SCHIP1: variants seen among roughly 807,000 people sequenced by gnomAD.
SCHIP1 encodes schwannomin-interacting protein 1.
SCHIP1 carries 8 observed loss-of-function variants against 29.7 expected under a neutral mutation model. That is an observed-to-expected ratio of 0.27 (90% CI 0.16 to 0.49). The LOEUF (loss-of-function observed/expected upper bound fraction) is 0.49. Ranked by LOEUF, SCHIP1 falls within the 20% of genes least tolerant of loss-of-function variation. The pLI is 0.99. For synonymous variants in SCHIP1, 76 were observed against 94.9 expected (o/e 0.80, Z 1.16); for missense variants, 193 against 294.6 (o/e 0.66, Z 2.52).
the SCHIP1 span, among the ~76,000 whole-genome samples, chr3:159,779,606 G>A: frequency 2.0e-5 from 3 of 152,012 alleles, no homozygotes; most frequent in African/African-American, 4.8e-5. Context: ...TCAGGAGGCA[G>A]AGGTTGCAGT....
the SCHIP1 span, among the ~76,000 whole-genome samples, chr3:159,445,642 G>T: frequency 6.6e-6 from 1 of 152,122 alleles, no homozygotes; most frequent in East Asian, 1.9e-4. Context: ...GTCCAACCAT[G>T]ATAGACTGGA....
chr3:159,366,489 A>G, the SCHIP1 span, among the ~76,000 whole-genome samples: 1 of 152,208 alleles, frequency 6.6e-6, no homozygotes, highest in Non-Finnish European at 1.5e-5. Flanking sequence ...TGTGCCCTTT[A>G]CAAGTTACTT....
At chr3:159,473,674 G>GAAAAAAAAAAAAAAAA in the SCHIP1 span, among the ~76,000 whole-genome samples, 537 of 80,960 alleles carry the variant, frequency 6.6e-3, no homozygotes, top group Non-Finnish European at 8.2e-3. Flanking sequence ...ATGTAACTAC[G>GAAAAAAAAAAAAAAAA]AAAAAAAAAA....
the SCHIP1 span, among the ~76,000 whole-genome samples, chr3:159,430,784 G>A: frequency 2.0e-5 from 3 of 152,134 alleles, no homozygotes; most frequent in African/African-American, 7.2e-5. Context: ...ATGAGATAGA[G>A]CGGGCAAGTG....
the SCHIP1 span, among the ~76,000 whole-genome samples, chr3:159,483,211 T>A: frequency 6.6e-6 from 1 of 152,130 alleles, no homozygotes; most frequent in East Asian, 1.9e-4. Context: ...TATTTCTCCT[T>A]TGCGGTCAAA....
the SCHIP1 span, among the ~76,000 whole-genome samples, chr3:159,426,602 G>A: frequency 6.6e-6 from 1 of 152,120 alleles, no homozygotes; most frequent in Non-Finnish European, 1.5e-5. Flanking sequence ...TTCTACCAGA[G>A]GTACAAGGAG....
At chr3:159,871,932 G>T (rs1017608796) in intron 2 of SCHIP1, among the ~76,000 whole-genome samples, 2 of 152,050 alleles carry the variant, frequency 1.3e-5, no homozygotes, top group Non-Finnish European at 2.9e-5. Context: ...TTTGTGTTCG[G>T]TCCTACTTCA....
the SCHIP1 span, among the ~76,000 whole-genome samples, chr3:159,640,775 A>G: frequency 6.6e-6 from 1 of 152,138 alleles, no homozygotes; most frequent in African/African-American, 2.4e-5. Context: ...TGGCCAGGAA[A>G]GCCCACACTG....
At chr3:159,390,809 CA>C in the SCHIP1 span, among the ~76,000 whole-genome samples, 1 of 151,754 alleles carries the variant, frequency 6.6e-6, no homozygotes, top group Non-Finnish European at 1.5e-5. Flanking sequence ...CTTTGTCATG[CA>C]GCCAATTCAT....
chr3:159,465,581 G>T, the SCHIP1 span, among the ~76,000 whole-genome samples: 1 of 151,952 alleles, frequency 6.6e-6, no homozygotes, highest in Non-Finnish European at 1.5e-5. Context: ...TTACCTGGGG[G>T]ATAAATACTG....
the SCHIP1 span, among the ~76,000 whole-genome samples, chr3:159,288,289 A>G: frequency 7.2e-5 from 11 of 152,240 alleles, no homozygotes; most frequent in Admixed American, 3.3e-4. Flanking sequence ...AATAAATAAC[A>G]TATTTCTAAT....
the SCHIP1 span, among the ~76,000 whole-genome samples, chr3:159,478,382 T>C: frequency 6.1e-3 from 931 of 152,316 alleles, 8 homozygotes; most frequent in African/African-American, 0.021. Flanking sequence ...CAAAAGGCAA[T>C]TCACTGCAAA....
At chr3:159,865,361 T>A (rs1714504936) in intron 1 of SCHIP1, among the ~76,000 whole-genome samples, 1 of 152,216 alleles carries the variant, frequency 6.6e-6, no homozygotes, top group East Asian at 1.9e-4. Context: ...AAGTTCAGCA[T>A]GGTGAGTTTT....
the SCHIP1 span, among the ~76,000 whole-genome samples, chr3:159,694,564 GAAAGAAAGA>G: frequency 6.9e-6 from 1 of 144,054 alleles, no homozygotes; most frequent in African/African-American, 2.7e-5. Flanking sequence ...AAGAAAGAAA[GAAAGAAAGA>G]AAGAAAGAAA....
At chr3:159,274,649 G>A in the SCHIP1 span, 8 of 816,636 alleles carry the variant, frequency 9.8e-6, no homozygotes, top group Admixed American at 1.2e-4. Context: ...CACAACCAAC[G>A]AAGAAATAAT....
the SCHIP1 span, among the ~76,000 whole-genome samples, chr3:159,298,001 C>T: frequency 0.11 from 17,018 of 152,200 alleles, 1,073 homozygotes; most frequent in Middle Eastern, 0.13. Flanking sequence ...TGGTGCCAGT[C>T]TTCTGCTCAC....
At chr3:159,489,187 G>A in the SCHIP1 span, among the ~76,000 whole-genome samples, 1 of 152,114 alleles carries the variant, frequency 6.6e-6, no homozygotes, top group Non-Finnish European at 1.5e-5. Context: ...GCTTTAAAAT[G>A]AGGTGCTGAT....
intron 5 of SCHIP1, among the ~76,000 whole-genome samples, chr3:159,891,759 G>A (rs1177931907): frequency 6.6e-6 from 1 of 152,156 alleles, no homozygotes; most frequent in African/African-American, 2.4e-5. Flanking sequence ...AAGCTGAAGG[G>A]TGGAAAACTT....
At chr3:159,300,486 G>A in the SCHIP1 span, among the ~76,000 whole-genome samples, 4 of 152,042 alleles carry the variant, frequency 2.6e-5, no homozygotes, top group East Asian at 1.9e-4. Context: ...GTCCCTTAGC[G>A]TGGTATTGGT....
Sources: allele counts gnomAD v4.1 joint callset (sites outside exome capture counted in the v4.1 genomes callset), GRCh38; gene constraint gnomAD v4.1.1; transcripts MANE v1.5; gene names NCBI Gene and HGNC (gene_info 2026-07-23, HGNC 2026-07-21).